The following MECOM variants were observed in gnomAD, a reference collection of about 807,000 sequenced individuals.
MECOM encodes the protein histone-lysine N-methyltransferase MECOM.
In MECOM, 13 loss-of-function variants were observed where a neutral mutation model predicts 116.3. The ratio of observed to expected loss-of-function variants is 0.11; its 90% confidence interval spans 0.07 to 0.18. MECOM has a LOEUF of 0.18. MECOM is among the 10% of genes least tolerant of loss of function. MECOM has a pLI of 1.00. For synonymous variants in MECOM, 528 were observed against 535.2 expected (o/e 0.99, Z 0.19); for missense variants, 1,299 against 1,509.0 (o/e 0.86, Z 2.31).
At chr3:169,143,102 A>G (rs1003231038) in intron 3 of MECOM, among the ~76,000 whole-genome samples, 2 of 152,012 alleles carry the variant, frequency 1.3e-5, no homozygotes, top group Admixed American at 6.6e-5. Context: ...ATTAAAGTCA[A>G]CCTCACTGCA....
At chr3:169,527,090 TG>T (rs1276559917) in intron 1 of MECOM, among the ~76,000 whole-genome samples, 1 of 152,308 alleles carries the variant, frequency 6.6e-6, no homozygotes, top group Non-Finnish European at 1.5e-5. Context: ...AGTGAAGCAA[TG>T]GATCATTACA....
At chr3:169,616,700 T>G (rs532424716) in intron 1 of MECOM, among the ~76,000 whole-genome samples, 1 of 152,320 alleles carries the variant, frequency 6.6e-6, no homozygotes, top group South Asian at 2.1e-4. Flanking sequence ...AAAGAAAACA[T>G]TGTTCAAACT....
intron 1 of MECOM, among the ~76,000 whole-genome samples, chr3:169,472,509 AAAGGAAAGG>A (rs1560317632): frequency 0.012 from 1,090 of 91,646 alleles, 51 homozygotes; most frequent in East Asian, 0.044. Context: ...AAAGGAAAGG[AAAGGAAAGG>A]AAAGAAAAGA....
chr3:169,607,715 C>T (rs773684745), intron 1 of MECOM, among the ~76,000 whole-genome samples: 2 of 152,228 alleles, frequency 1.3e-5, no homozygotes, highest in African/African-American at 4.8e-5. Flanking sequence ...TATGAAATAG[C>T]ATTACTGAAT....
chr3:169,573,983 A>G (rs1456494498), intron 1 of MECOM, among the ~76,000 whole-genome samples: 14 of 152,208 alleles, frequency 9.2e-5, no homozygotes, highest in Admixed American at 9.2e-4. Flanking sequence ...TTTTGGCTGA[A>G]CAGACAGTAT....
At chr3:169,578,477 T>C (rs188036487) in intron 1 of MECOM, among the ~76,000 whole-genome samples, 4 of 152,310 alleles carry the variant, frequency 2.6e-5, no homozygotes, top group African/African-American at 9.6e-5. Flanking sequence ...AAGACATATT[T>C]AAATGTAATT....
chr3:169,572,488 T>G (rs886754656), intron 1 of MECOM, among the ~76,000 whole-genome samples: 1 of 152,236 alleles, frequency 6.6e-6, no homozygotes, highest in Non-Finnish European at 1.5e-5. Context: ...ATCCCATTGC[T>G]GGGTATATAC....
At chr3:169,149,723 A>T in intron 2 of MECOM, 1 of 462,694 alleles carries the variant, frequency 2.2e-6, no homozygotes, top group Non-Finnish European at 4.4e-6. Flanking sequence ...ACCAAGAGTG[A>T]ACGCTTACCC....
At chr3:169,228,036 T>A (rs1752951723) in intron 2 of MECOM, among the ~76,000 whole-genome samples, 1 of 152,300 alleles carries the variant, frequency 6.6e-6, no homozygotes, top group Middle Eastern at 3.4e-3. Context: ...GAGAACCTAG[T>A]AGCTAGCCCT....
intron 2 of MECOM, among the ~76,000 whole-genome samples, chr3:169,180,517 G>A (rs1174767217): frequency 1.3e-5 from 2 of 152,000 alleles, no homozygotes; most frequent in East Asian, 3.9e-4. Flanking sequence ...TACTTATCAT[G>A]TGTCCTGTTA....
intron 1 of MECOM, among the ~76,000 whole-genome samples, chr3:169,658,448 G>A (rs554542114): frequency 6.6e-6 from 1 of 152,220 alleles, no homozygotes; most frequent in Non-Finnish European, 1.5e-5. Flanking sequence ...AAGCCAAGAC[G>A]TGTGTGGGTG....
chr3:169,089,087 T>C lies in MECOM; in HGVS notation c.3498A>G (p.Gln1166=), dbSNP rs1420118311. The change falls in exon 16 of 17, where the codon CAA becomes CAG. Residue 1166 remains glutamine, a synonymous_variant. Coordinates refer to ENST00000651503, the MANE Select transcript of MECOM (RefSeq NM_004991.4). ...SLKMRKMEDN[Q]YSEAELSSFS... The stretch of plus-strand genomic sequence containing the variant: ...AAGAAGACAGCTCAGCTTCAGAATA[T>C]TGATTATCTTCCATTTTCCTCATTT... 2.5e-6 allele frequency: 4 copies of C among 1,610,928 alleles called. No individual in the cohort carries two copies. In the Admixed American group the frequency reaches 6.7e-5, roughly 27 times the overall value.
At position 169,364,556 on chromosome 3, in the gene MECOM, C is replaced by A. The variant is rs568498624; in HGVS notation, c.375+16631G>T. ...CTGCATCTCCCGTTATTTACACTCA[C>A]CATCATGGTAATAACTCACCATTTC... On this transcript the variant is annotated intron_variant, in intron 2 of 16. Coordinates refer to ENST00000651503, the MANE Select transcript of MECOM (RefSeq NM_004991.4). Among the ~76,000 whole-genome samples the A allele has an allele frequency of 2.0e-5, 3 of 152,108 alleles. No homozygotes were observed. In the South Asian group the frequency reaches 6.2e-4, roughly 32 times the overall value.
At chr3:169,139,844 C>A (rs1045348502) in intron 3 of MECOM, among the ~76,000 whole-genome samples, 1 of 151,726 alleles carries the variant, frequency 6.6e-6, no homozygotes, top group Admixed American at 6.6e-5. Flanking sequence ...GAGGTGAGAA[C>A]AGGGTGAGAC....
intron 2 of MECOM, among the ~76,000 whole-genome samples, chr3:169,211,991 T>G (rs968277456): frequency 6.6e-6 from 1 of 152,142 alleles, no homozygotes; most frequent in African/African-American, 2.4e-5. Flanking sequence ...TGTTTTCCCA[T>G]GCCAAACATC....
chr3:169,663,486 C>G lies in MECOM; in HGVS notation c.-114G>C, dbSNP rs1165542817. 3 of 281,788 alleles carry G rather than the reference C, an allele frequency of 1.1e-5. No individual in the cohort carries two copies. Among genetic ancestry groups the G allele is most frequent in the Non-Finnish European group, 1.9e-5 (3 of 154,862 alleles). The allele number at this position is 281,788 out of a possible 1,614,324, so 17.5% of individuals were successfully genotyped here. A position where few individuals can be genotyped will look rare whatever the true frequency, so the allele number is the denominator to read the frequency against. On this transcript the variant is annotated 5_prime_UTR_variant, in exon 1 of 17. Coordinates refer to ENST00000651503, the MANE Select transcript of MECOM (RefSeq NM_004991.4). Reference sequence around the variant, plus strand: ...CCCTCTCTCTCCTGTCTCTCTCTCTCTCTCTCTCTCTCTCTCTCTCTCTCT... The same window carrying G: ...CCCTCTCTCTCCTGTCTCTCTCTCTGTCTCTCTCTCTCTCTCTCTCTCTCT...
chr3:169,415,605 G>C (rs1013380681), intron 1 of MECOM, among the ~76,000 whole-genome samples: 1 of 151,858 alleles, frequency 6.6e-6, no homozygotes, highest in African/African-American at 2.4e-5. Context: ...CAAGAGTCAA[G>C]ACCCATCAGT....
At chr3:169,639,026 G>A (rs912346132) in intron 1 of MECOM, among the ~76,000 whole-genome samples, 3 of 152,090 alleles carry the variant, frequency 2.0e-5, no homozygotes, top group South Asian at 2.1e-4. Context: ...GGAGTGCCAC[G>A]TTGAAGATGG....
intron 1 of MECOM, among the ~76,000 whole-genome samples, chr3:169,474,109 G>A (rs1749978621): frequency 6.6e-6 from 1 of 152,174 alleles, no homozygotes; most frequent in South Asian, 2.1e-4. Flanking sequence ...TCATTCACAA[G>A]ATGAATTTCT....
Sources: gnomAD v4.1 joint callset for allele counts (sites outside exome capture counted in the v4.1 genomes callset) on GRCh38, gnomAD v4.1.1 for gene constraint, MANE v1.5 for transcripts, NCBI Gene and HGNC (gene_info 2026-07-23, HGNC 2026-07-21) for gene names.